Variants in SRCIN1 observed in about 807,000 individuals in gnomAD.
SRCIN1 encodes P130Cas-associated protein.
Under a neutral mutation model 116.2 loss-of-function variants are expected in SRCIN1, and 50 were observed. That is an observed-to-expected ratio of 0.43 (90% CI 0.34 to 0.54). The LOEUF (loss-of-function observed/expected upper bound fraction) is 0.54. Ranked by LOEUF, SRCIN1 falls within the 20% of genes least tolerant of loss-of-function variation. The probability of loss-of-function intolerance (pLI) is 0.02; values close to 1 mark genes in which losing one functional copy is unlikely to be tolerated. For missense variants in SRCIN1, 1,446 were observed against 1,672.0 expected, an observed-to-expected ratio of 0.86 and a Z score of 2.36; for synonymous variants, 736 against 750.0, an observed-to-expected ratio of 0.98 and a Z score of 0.30.
rs1369782266 is a variant in SRCIN1 at position 38,549,081 on chromosome 17, C to T, written c.3092G>A (p.Ser1031Asn). The T allele has an allele frequency of 6.2e-7, 1 of 1,612,790 alleles. No homozygotes were observed. Among genetic ancestry groups the T allele is most frequent in the African/African-American group, 1.3e-5 (1 of 74,774 alleles). The change falls in exon 16 of 19, where the codon AGC becomes AAC. Residue 1031 changes from serine to asparagine, a missense_variant. Ser to Asn is a conservative substitution (Grantham distance 46). Coordinates refer to ENST00000617146, the MANE Select transcript of SRCIN1 (RefSeq NM_025248.3). ...CTTGATGAAGGCCGAGTCCTTCTTG[C>T]TGGTGACCACCACCTCTCCGGTACG... ...TTRTGEVVVT[S>N]KKDSAFIKKA...
At chr17:38,579,461 CA>C (rs1324681065) in intron 1 of SRCIN1, among the ~76,000 whole-genome samples, 4 of 152,174 alleles carry the variant, frequency 2.6e-5, no homozygotes, top group African/African-American at 4.8e-5. Context: ...TCCCCAGAGA[CA>C]GACAGATAGA....
At chr17:38,582,666 C>T (rs186263519) in intron 1 of SRCIN1, among the ~76,000 whole-genome samples, 274 of 152,162 alleles carry the variant, frequency 1.8e-3, no homozygotes, top group South Asian at 3.5e-3. Context: ...CTCTGAGGGG[C>T]GGTGGCAAGG....
At chr17:38,590,810 C>T (rs928393032) in intron 1 of SRCIN1, among the ~76,000 whole-genome samples, 2 of 152,176 alleles carry the variant, frequency 1.3e-5, no homozygotes, top group African/African-American at 4.8e-5. Flanking sequence ...GCTGATTCTG[C>T]CACCAGGTCA....
At chr17:38,542,531 C>T (rs1904814094) in intron 18 of SRCIN1, 1 of 155,834 alleles carries the variant, frequency 6.4e-6, no homozygotes, top group East Asian at 1.9e-4. Context: ...GAACTCATCC[C>T]TGGCAGTGGC....
intron 18 of SRCIN1, chr17:38,543,116 C>G: frequency 2.2e-6 from 1 of 456,762 alleles, no homozygotes; most frequent in South Asian, 1.5e-5. Flanking sequence ...TCCACACAGC[C>G]TCCGCGCCTG....
At position 38,559,614 on chromosome 17, in the gene SRCIN1, C is replaced by G. The variant is rs1412993973; in HGVS notation, c.1996G>C (p.Gly666Arg). 1.0e-5 allele frequency: 16 copies of G among 1,602,282 alleles called. No homozygotes were observed. The highest frequency in any genetic ancestry group is 2.7e-5 in the African/African-American group (2 of 74,776). The change falls in exon 10 of 19, where the codon GGC becomes CGC. Residue 666 changes from glycine to arginine, a missense_variant. Transcript: ENST00000617146. ...AGCTTGCGCAACTGCTGGAGCTGGC[C>G]GCGCAAGTCACTGGCGCTGTTCTGC... ...GLQNSASDLR[G>R]QLQQLRKLQL...
Position 38,557,034 on chromosome 17 carries a change from G to C in SRCIN1, c.2201+1193C>G, listed in dbSNP as rs903622898. ...GAGGAGAGATGACACCTGCCAGTCT[G>C]CTTGGAGATCTGGCTGGAGTCCTCA... On this transcript the variant is annotated intron_variant, in intron 11 of 18. Transcript: ENST00000617146. Among the ~76,000 whole-genome samples, 4 of 152,278 alleles carry C rather than the reference G, an allele frequency of 2.6e-5. No homozygotes were observed. The South Asian group carries it at 8.3e-4, about 32-fold the overall frequency.
Position 38,533,319 on chromosome 17 carries a change from C to G in SRCIN1, c.3530G>C (p.Arg1177Thr). ...CTTCTAGAAGGAGATGGAAGAATTCCTTGCCCCAAAGGAAGTCAATACAGG... is the reference window on the plus strand; with the variant it reads ...CTTCTAGAAGGAGATGGAAGAATTCGTTGCCCCAAAGGAAGTCAATACAGG... Reference protein sequence around the residue: ...SIPVLTSFGARNSSISF With the variant: ...SIPVLTSFGATNSSISF Residue 1177 changes from arginine (R) to threonine (T), a missense_variant, in exon 19 of 19, where the codon AGG (arginine) becomes ACG (threonine). Physicochemically the swap from Arg to Thr is moderately conservative, Grantham distance 71. Transcript: ENST00000617146. 1 of 1,578,782 alleles carries G rather than the reference C, an allele frequency of 6.3e-7. No individual in the cohort carries two copies. The highest frequency in any genetic ancestry group is 8.6e-7 in the Non-Finnish European group (1 of 1,161,608).
rs753640745 is a variant in SRCIN1, at chr17:38,549,105, C to G, written c.3068G>C (p.Arg1023Pro). The G allele has an allele frequency of 2.5e-6, 4 of 1,592,100 alleles. No individual in the cohort carries two copies. The highest frequency in any genetic ancestry group is 2.7e-5 in the African/African-American group (2 of 73,272). ...GCTGGTGACCACCACCTCTCCGGTA[C>G]GTGTGGTGGTCAGGCCATGGGAGGA... Reference protein sequence around the residue: ...FPSSHGLTTTRTGEVVVTSKK... With the variant: ...FPSSHGLTTTPTGEVVVTSKK... Residue 1023 changes from arginine to proline, a missense_variant, in exon 16 of 19, where the codon CGT (arginine) becomes CCT (proline). Around this residue, in one of 5 missense-constraint regions of SRCIN1, gnomAD observed 531 missense variants for 633.9 expected, o/e 0.84. Coordinates refer to ENST00000617146, the MANE Select transcript of SRCIN1 (RefSeq NM_025248.3).
intron 17 of SRCIN1, among the ~76,000 whole-genome samples, chr17:38,547,578 C>T (rs549977761): frequency 1.3e-5 from 2 of 152,178 alleles, no homozygotes; most frequent in Admixed American, 6.5e-5. Context: ...AAGGGTTATG[C>T]GCCTGTCCTT....
At position 38,605,846 on chromosome 17, in the gene SRCIN1, G is replaced by A. The variant is rs1281709202; in HGVS notation, c.-141C>T. On this transcript the variant is annotated 5_prime_UTR_variant, in exon 1 of 19. Transcript: ENST00000617146. ...GGCCGGGGGCGCGGGCCCCGCCGGG[G>A]TGGACCAGCTGGGAGGGCGCCGGCG... is the stretch of plus-strand genomic sequence containing the variant. 1 of 176,504 alleles carries A rather than the reference G, an allele frequency of 5.7e-6. No individual in the cohort carries two copies. The highest frequency in any genetic ancestry group is 1.1e-5 in the Non-Finnish European group (1 of 92,792). 10.9% of individuals were successfully genotyped at this position (176,504 alleles called of 1,614,324 possible). A position where few individuals can be genotyped will look rare whatever the true frequency, so the allele number is the denominator to read the frequency against.
At chr17:38,534,410 T>C (rs1215249005) in intron 18 of SRCIN1, among the ~76,000 whole-genome samples, 1 of 152,198 alleles carries the variant, frequency 6.6e-6, no homozygotes, top group African/African-American at 2.4e-5. Context: ...ACCTTTGAGA[T>C]CCACTGGATT....
intron 2 of SRCIN1, among the ~76,000 whole-genome samples, chr17:38,570,315 A>G (rs1906996097): frequency 6.6e-6 from 1 of 152,210 alleles, no homozygotes; most frequent in Non-Finnish European, 1.5e-5. Flanking sequence ...CACAAGCACC[A>G]TAGCCAGTCA....
intron 17 of SRCIN1, chr17:38,547,843 C>T (rs2408354): frequency 6.8e-5 from 6 of 87,784 alleles, no homozygotes; most frequent in South Asian, 4.2e-4. Flanking sequence ...GGCGGCGGGG[C>T]GTGGGGGGGA....
In SRCIN1 at chr17:38,563,180, G is replaced by T. The variant is rs1906400708; in HGVS notation, c.740+143C>A. 1.1e-6 allele frequency: 1 copy of T among 928,686 alleles called. No homozygotes were observed. Among genetic ancestry groups the T allele is most frequent in the South Asian group, 1.6e-5 (1 of 61,782 alleles). The allele number at this position is 928,686 out of a possible 1,614,324, so 57.5% of individuals were successfully genotyped here. A position where few individuals can be genotyped will look rare whatever the true frequency, so the allele number is the denominator to read the frequency against. ...GGGGGCTGAGATGGCCGAGGAAGGG[G>T]GCGGGGCGGTAGGGCTCTGGGAGGG... is the stretch of plus-strand genomic sequence containing the variant. On this transcript the variant is annotated intron_variant, in intron 5 of 18. Transcript: ENST00000617146. The surrounding 1 kb of genome is among the most constrained non-coding windows in gnomAD (Gnocchi z 5.8).
chr17:38,605,634 T>A, intron 1 of SRCIN1, 50 bp downstream of exon 1: 1 of 1,318,488 alleles, frequency 7.6e-7, no homozygotes. Flanking sequence ...CAGAAATACC[T>A]TCCACTTAAG....
chr17:38,564,260 C>T lies in SRCIN1; in HGVS notation c.399G>A (p.Ala133=), dbSNP rs1303023643. 7 of 1,574,562 alleles carry T rather than the reference C, an allele frequency of 4.4e-6. No homozygotes were observed. Among genetic ancestry groups the T allele is most frequent in the Non-Finnish European group, 6.0e-6 (7 of 1,162,648 alleles). The part of the protein sequence containing the change: ...QGAQPGLADQ[A]AKLSYASAES... ...CGGCGGAGGCGTAGGACAGCTTTGC[C>T]GCCTGGTCTGCCAGCCCGGGCTGGG... is the stretch of plus-strand genomic sequence containing the variant. The change falls in exon 4 of 19, where the codon GCG becomes GCA. Residue 133 remains alanine (A), a synonymous_variant. Transcript: ENST00000617146.
At chr17:38,591,402 C>T (rs192171929) in intron 1 of SRCIN1, among the ~76,000 whole-genome samples, 2 of 152,270 alleles carry the variant, frequency 1.3e-5, no homozygotes, top group South Asian at 2.1e-4. Context: ...TGTGGCCCAG[C>T]CCCCCAGCCA....
At chr17:38,600,880 G>A (rs1360969125) in intron 1 of SRCIN1, among the ~76,000 whole-genome samples, 2 of 152,220 alleles carry the variant, frequency 1.3e-5, no homozygotes, top group Non-Finnish European at 2.9e-5. Flanking sequence ...TGGAACACAG[G>A]GGCCAGACTC....
Sources: gnomAD v4.1 joint callset for allele counts (sites outside exome capture counted in the v4.1 genomes callset) on GRCh38, gnomAD v4.1.1 for gene constraint, gnomAD v4.1.1 regional missense constraint, Gnocchi (gnomAD v3.1) non-coding constraint, MANE v1.5 for transcripts, NCBI Gene and HGNC (gene_info 2026-07-23, HGNC 2026-07-21) for gene names.